The following LUZP2 variants were observed in gnomAD, a reference collection of about 807,000 sequenced individuals.
LUZP2 encodes leucine zipper protein 2.
A neutral mutation model predicts 51.6 loss-of-function variants in LUZP2; 52 were observed. The ratio of observed to expected loss-of-function variants is 1.01; its 90% CI spans 0.81 to 1.27. The LOEUF is 1.27. Among genes scored for constraint, LUZP2 ranks in the 50% most tolerant of loss-of-function variants. The pLI, the probability that LUZP2 is intolerant of heterozygous loss-of-function variation, is 0.00. For missense variants in LUZP2, 436 were observed against 395.4 expected (o/e 1.10, Z -0.87); for synonymous variants, 154 against 137.3 (o/e 1.12, Z -0.85).
chr11:24,820,274 C>T lies in LUZP2; in HGVS notation c.396+56966C>T, dbSNP rs149114101. Among the ~76,000 whole-genome samples the T allele has an allele frequency of 5.9e-5, 9 of 152,234 alleles. No individual in the cohort carries two copies. In the East Asian group the frequency reaches 1.4e-3, roughly 23 times the overall value. On this transcript the variant is annotated intron_variant, in intron 5 of 11. Coordinates refer to ENST00000336930, the MANE Select transcript of LUZP2 (RefSeq NM_001009909.4). ...CTCACAGGAGCTCATTATTCAGAGC[C>T]TGAAAGGAAACAACAGAGAAGAGCA...
chr11:24,642,050 T>C (rs1371329421), intron 1 of LUZP2, among the ~76,000 whole-genome samples: 1 of 151,656 alleles, frequency 6.6e-6, no homozygotes, highest in African/African-American at 2.4e-5. Context: ...CCTTCACACC[T>C]AGCTAATTTT....
intron 4 of LUZP2, among the ~76,000 whole-genome samples, chr11:24,756,836 T>G (rs2134019921): frequency 6.6e-6 from 1 of 152,280 alleles, no homozygotes; most frequent in East Asian, 1.9e-4. Flanking sequence ...TTGCTTCCCC[T>G]GCTCAGACAC....
intron 7 of LUZP2, among the ~76,000 whole-genome samples, chr11:24,918,009 G>A (rs10834546): frequency 0.46 from 69,894 of 151,506 alleles, 16,523 homozygotes; most frequent in East Asian, 0.76. Context: ...CTTTTATTTC[G>A]TTGAGCAGTG....
chr11:24,531,663 T>C (rs879578717), intron 1 of LUZP2, among the ~76,000 whole-genome samples: 1 of 150,918 alleles, frequency 6.6e-6, no homozygotes, highest in Non-Finnish European at 1.5e-5. Context: ...CTTTCACATA[T>C]GAGTGAGAAC....
intron 1 of LUZP2, among the ~76,000 whole-genome samples, chr11:24,647,197 C>G (rs1357109652): frequency 6.6e-6 from 1 of 151,996 alleles, no homozygotes; most frequent in Non-Finnish European, 1.5e-5. Flanking sequence ...TGAGAAGTTT[C>G]CCTCCATCTT....
chr11:24,565,344 A>C lies in LUZP2; in HGVS notation c.62+68039A>C, dbSNP rs562838489. On this transcript the variant is annotated intron_variant, in intron 1 of 11. Coordinates refer to ENST00000336930, the MANE Select transcript of LUZP2 (RefSeq NM_001009909.4). ...TTAGTAAGACCCAAAAGAGAACCAA[A>C]ACACACCTTGCAGGCAGTGAGTGCA... is the stretch of plus-strand genomic sequence containing the variant. Among the ~76,000 whole-genome samples the C allele has an allele frequency of 2.6e-5, 4 of 152,280 alleles. No homozygotes were observed. The South Asian group carries it at 8.3e-4, about 32-fold the overall frequency.
At chr11:24,648,790 C>T (rs993577487) in intron 1 of LUZP2, among the ~76,000 whole-genome samples, 3 of 151,928 alleles carry the variant, frequency 2.0e-5, no homozygotes, top group Non-Finnish European at 4.4e-5. Context: ...TCTACAAACT[C>T]AGATGAGCAG....
At chr11:24,555,154 GA>G (rs1486679704) in intron 1 of LUZP2, among the ~76,000 whole-genome samples, 1 of 152,078 alleles carries the variant, frequency 6.6e-6, no homozygotes, top group Non-Finnish European at 1.5e-5. Context: ...AATATTTGAT[GA>G]AAAAGCTGGG....
At chr11:24,571,558 AAAG>A (rs1022643238) in intron 1 of LUZP2, among the ~76,000 whole-genome samples, 13 of 152,184 alleles carry the variant, frequency 8.5e-5, no homozygotes, top group African/African-American at 3.1e-4. Flanking sequence ...TTGTGTTCAA[AAAG>A]AAGAGTAAAA....
At chr11:24,546,944 G>C (rs1010549194) in intron 1 of LUZP2, among the ~76,000 whole-genome samples, 8 of 145,044 alleles carry the variant, frequency 5.5e-5, no homozygotes, top group Non-Finnish European at 1.2e-4. Flanking sequence ...GTGTGTTTTT[G>C]TTGTTGTTGT....
intron 9 of LUZP2, among the ~76,000 whole-genome samples, chr11:25,031,105 G>A (rs775407389): frequency 2.9e-5 from 4 of 139,578 alleles, no homozygotes; most frequent in Non-Finnish European, 6.1e-5. Context: ...TCCACCTCCC[G>A]AATTCAAGCG....
intron 1 of LUZP2, among the ~76,000 whole-genome samples, chr11:24,563,879 G>C (rs1852134544): frequency 6.6e-6 from 1 of 151,898 alleles, no homozygotes; most frequent in South Asian, 2.1e-4. Context: ...TAACTAAACT[G>C]TAATTAGAGG....
intron 7 of LUZP2, among the ~76,000 whole-genome samples, chr11:24,925,058 C>T (rs1276169739): frequency 6.6e-6 from 1 of 151,978 alleles, no homozygotes; most frequent in Admixed American, 6.6e-5. Flanking sequence ...TAGATTTTTT[C>T]CCACAATAGA....
At chr11:24,834,388 T>C (rs143658707) in intron 5 of LUZP2, among the ~76,000 whole-genome samples, 5,253 of 152,304 alleles carry the variant, frequency 0.034, 130 homozygotes, top group Admixed American at 0.054. Context: ...GAATGATGGC[T>C]TCCAGCTCCA....
chr11:24,844,446 A>G (rs1268877918), intron 5 of LUZP2, among the ~76,000 whole-genome samples: 1 of 152,220 alleles, frequency 6.6e-6, no homozygotes, highest in Admixed American at 6.5e-5. Flanking sequence ...TCATAAAGTA[A>G]GCAGAGTGTA....
chr11:24,602,032 A>ATG (rs1853684426), intron 1 of LUZP2, among the ~76,000 whole-genome samples: 1 of 143,904 alleles, frequency 6.9e-6, no homozygotes, highest in Admixed American at 7.2e-5. Flanking sequence ...ATGTGTATAT[A>ATG]TGTATATCTG....
intron 5 of LUZP2, among the ~76,000 whole-genome samples, chr11:24,899,489 TTTAA>T (rs1236967932): frequency 9.2e-5 from 14 of 152,098 alleles, no homozygotes; most frequent in African/African-American, 2.9e-4. Flanking sequence ...ATGTAAATAC[TTTAA>T]TTGAGAGAAA....
chr11:24,824,834 A>G (rs1442602110), intron 5 of LUZP2, among the ~76,000 whole-genome samples: 3 of 152,156 alleles, frequency 2.0e-5, no homozygotes, highest in Non-Finnish European at 2.9e-5. Context: ...TGAATAATAA[A>G]TCACTATCAA....
At chr11:24,668,545 T>A (rs1437855523) in intron 1 of LUZP2, among the ~76,000 whole-genome samples, 1 of 152,164 alleles carries the variant, frequency 6.6e-6, no homozygotes, top group East Asian at 1.9e-4. Context: ...TTTGGGACAC[T>A]GAGCAAATTG....
Sources: allele counts gnomAD v4.1 joint callset (sites outside exome capture counted in the v4.1 genomes callset), GRCh38; gene constraint gnomAD v4.1.1; transcripts MANE v1.5; gene names NCBI Gene and HGNC (gene_info 2026-07-23, HGNC 2026-07-21).